Variants in TBL1X observed in about 807,000 individuals in gnomAD.
The protein encoded by TBL1X is transducin beta like 1 X-linked, also known as F-box-like/WD repeat-containing protein TBL1X.
Under a neutral mutation model 50.7 loss-of-function variants are expected in TBL1X, and 10 were observed. That is an observed-to-expected ratio of 0.20 (90% CI 0.12 to 0.33). TBL1X has a LOEUF of 0.33. Among genes scored for constraint, TBL1X ranks in the 10% least tolerant of loss-of-function variants. TBL1X has a pLI of 1.00. For synonymous variants in TBL1X, 190 were observed against 214.7 expected (o/e 0.88, Z 1.01); for missense variants, 340 against 504.4 (o/e 0.67, Z 3.12).
chrX:9,656,566 A>C (rs148453470), intron 5 of TBL1X, among the ~76,000 whole-genome samples: 1,313 of 112,975 alleles, frequency 0.012, 26 homozygotes, highest in African/African-American at 0.04. Context: ...TGAGAGGGAG[A>C]GTTGGAGCAC....
At chrX:9,550,541 G>A (rs1156906439) in intron 2 of TBL1X, among the ~76,000 whole-genome samples, 1 of 112,018 alleles carries the variant, frequency 8.9e-6, no homozygotes, top group Non-Finnish European at 1.9e-5. Context: ...AATCATCTCG[G>A]TAGAATATTG....
chrX:9,579,922 C>T (rs779298340), intron 2 of TBL1X, among the ~76,000 whole-genome samples: 6 of 111,577 alleles, frequency 5.4e-5, no homozygotes, highest in African/African-American at 2.0e-4. Flanking sequence ...CCATGCTGCT[C>T]CTGGCTTTGA....
intron 12 of TBL1X, among the ~76,000 whole-genome samples, chrX:9,698,590 G>C (rs775324857): frequency 4.0e-4 from 45 of 111,705 alleles, no homozygotes; most frequent in Non-Finnish European, 1.3e-4. Context: ...GGGGTTGGCC[G>C]TGTAAGCACC....
intron 2 of TBL1X, among the ~76,000 whole-genome samples, chrX:9,588,952 G>A (rs2031401455): frequency 9.0e-6 from 1 of 111,240 alleles, no homozygotes; most frequent in African/African-American, 3.3e-5. Flanking sequence ...TCTTTTGATG[G>A]TTGAATTTTC....
chrX:9,712,245 G>GAGC (rs779951260), intron 16 of TBL1X, among the ~76,000 whole-genome samples: 1 of 113,271 alleles, frequency 8.8e-6, no homozygotes, highest in South Asian at 3.6e-4. Context: ...CTCCCTTACG[G>GAGC]AGCAGACCAG....
At chrX:9,483,875 TA>T (rs2081896602) in intron 1 of TBL1X, among the ~76,000 whole-genome samples, 1 of 111,837 alleles carries the variant, frequency 8.9e-6, no homozygotes, top group African/African-American at 3.3e-5. Flanking sequence ...CGCTAATATG[TA>T]GTCTTGGGTC....
chrX:9,616,003 AAC>A (rs2082637524), intron 2 of TBL1X, among the ~76,000 whole-genome samples: 1 of 112,109 alleles, frequency 8.9e-6, no homozygotes, highest in Non-Finnish European at 1.9e-5. Flanking sequence ...TACTATGTGA[AAC>A]ACAGGGAAGA....
chrX:9,542,561 C>T (rs1217643474), intron 2 of TBL1X, among the ~76,000 whole-genome samples: 1 of 111,953 alleles, frequency 8.9e-6, no homozygotes, highest in African/African-American at 3.3e-5. Context: ...CTTGTGAACA[C>T]TCTGCCTTGG....
At chrX:9,553,619 A>T (rs1382608965) in intron 2 of TBL1X, among the ~76,000 whole-genome samples, 1 of 111,132 alleles carries the variant, frequency 9.0e-6, no homozygotes, top group Non-Finnish European at 1.9e-5. Flanking sequence ...GTTTCTATGG[A>T]TTCCTCCTTC....
intron 2 of TBL1X, among the ~76,000 whole-genome samples, chrX:9,516,118 G>T (rs180802613): frequency 2.9e-4 from 32 of 111,371 alleles, no homozygotes; most frequent in African/African-American, 1.0e-3. Flanking sequence ...CATAGTGTCA[G>T]TGTCATTGTG....
At chrX:9,678,140 T>C (rs1306123697) in intron 5 of TBL1X, among the ~76,000 whole-genome samples, 2 of 112,483 alleles carry the variant, frequency 1.8e-5, no homozygotes, top group Non-Finnish European at 3.7e-5. Context: ...TTCGTATTAT[T>C]ATCATCATAT....
intron 1 of TBL1X, among the ~76,000 whole-genome samples, chrX:9,491,323 TA>T (rs1569205456): frequency 1.1e-3 from 45 of 42,237 alleles, no homozygotes; most frequent in Middle Eastern, 0.01. Flanking sequence ...TATATATATA[TA>T]TATATATATA....
chrX:9,589,424 G>A (rs373422263), intron 2 of TBL1X, among the ~76,000 whole-genome samples: 308 of 109,256 alleles, frequency 2.8e-3, no homozygotes, highest in African/African-American at 9.8e-3. Context: ...GGGAACTCTT[G>A]TTTATAGTCG....
intron 2 of TBL1X, among the ~76,000 whole-genome samples, chrX:9,627,919 ATAATAT>A (rs1456830512): frequency 1.8e-5 from 2 of 112,402 alleles, no homozygotes; most frequent in Admixed American, 1.9e-4. Context: ...TATAATGGAC[ATAATAT>A]TAAATAGACT....
chrX:9,707,869 C>T (rs1276445210), intron 13 of TBL1X, among the ~76,000 whole-genome samples: 2 of 112,592 alleles, frequency 1.8e-5, no homozygotes, highest in African/African-American at 6.5e-5. Flanking sequence ...TCCTGGGCCA[C>T]GTGTGCCTCA....
At chrX:9,629,986 C>T (rs993295726) in intron 2 of TBL1X, among the ~76,000 whole-genome samples, 2 of 111,099 alleles carry the variant, frequency 1.8e-5, no homozygotes, top group Non-Finnish European at 3.8e-5. Flanking sequence ...TCTAGTATGT[C>T]CTCATGAGCA....
chrX:9,524,690 C>A (rs190472668), intron 2 of TBL1X, among the ~76,000 whole-genome samples: 1 of 112,442 alleles, frequency 8.9e-6, no homozygotes, highest in Middle Eastern at 4.6e-3. Context: ...AACTTGCCTG[C>A]ACAAATATTT....
At chrX:9,570,679 T>C (rs1232334035) in intron 2 of TBL1X, among the ~76,000 whole-genome samples, 10 of 1,497 alleles carry the variant, frequency 6.7e-3, no homozygotes, top group South Asian at 0.048. Flanking sequence ...TTTCTTTTTG[T>C]TTTTTTTTTT....
chrX:9,519,638 T>C, intron 2 of TBL1X, among the ~76,000 whole-genome samples: 1 of 112,071 alleles, frequency 8.9e-6, no homozygotes, highest in Middle Eastern at 4.6e-3. Flanking sequence ...TTTTGAGACA[T>C]GAAGTAGGCA....
Sources: allele counts gnomAD v4.1 joint callset (sites outside exome capture counted in the v4.1 genomes callset), GRCh38; gene constraint gnomAD v4.1.1; transcripts MANE v1.5; gene names NCBI Gene and HGNC (gene_info 2026-07-23, HGNC 2026-07-21).